Variants in DENND1B observed in about 807,000 individuals in gnomAD.
DENND1B encodes the protein DENN domain-containing protein 1B.
A neutral mutation model predicts 90.1 loss-of-function variants in DENND1B; 59 were observed. The ratio of observed to expected loss-of-function variants is 0.65; its 90% CI spans 0.53 to 0.81. The LOEUF (loss-of-function observed/expected upper bound fraction) is 0.81, where lower values mean the gene tolerates loss of function less well. Ranked by LOEUF, DENND1B falls within the 40% of genes least tolerant of loss-of-function variation. The probability of loss-of-function intolerance (pLI) is 0.00; values close to 1 mark genes in which losing one functional copy is unlikely to be tolerated. For missense variants in DENND1B, 862 were observed against 912.6 expected, an observed-to-expected ratio of 0.94 and a Z score of 0.71; for synonymous variants, 337 against 324.6, an observed-to-expected ratio of 1.04 and a Z score of -0.41.
At chr1:197,549,831 C>T (rs1671083770) in intron 16 of DENND1B, among the ~76,000 whole-genome samples, 1 of 152,070 alleles carries the variant, frequency 6.6e-6, no homozygotes, top group African/African-American at 2.4e-5. Flanking sequence ...CTGATGAGGG[C>T]TCACAGGGCA....
At chr1:197,658,847 A>T (rs535164534) in intron 5 of DENND1B, among the ~76,000 whole-genome samples, 36 of 151,058 alleles carry the variant, frequency 2.4e-4, no homozygotes, top group Non-Finnish European at 4.6e-4. Flanking sequence ...AACTCAATAC[A>T]CATATCAAAA....
chr1:197,727,189 G>A (rs944417887), intron 2 of DENND1B, among the ~76,000 whole-genome samples: 7 of 152,122 alleles, frequency 4.6e-5, no homozygotes, highest in Admixed American at 3.9e-4. Flanking sequence ...CTATTAGTCT[G>A]AACATGCTTA....
At chr1:197,625,177 T>C (rs934300322) in intron 10 of DENND1B, among the ~76,000 whole-genome samples, 16 of 151,694 alleles carry the variant, frequency 1.1e-4, no homozygotes, top group South Asian at 4.2e-4. Flanking sequence ...CACAAAGATA[T>C]GCCTCGAGAA....
At chr1:197,577,421 G>T (rs577768265) in intron 15 of DENND1B, among the ~76,000 whole-genome samples, 1 of 152,128 alleles carries the variant, frequency 6.6e-6, no homozygotes, top group South Asian at 2.1e-4. Context: ...TTCTGCCATG[G>T]GGGGCACTCT....
chr1:197,737,007 C>A (rs1275441231), intron 2 of DENND1B, among the ~76,000 whole-genome samples: 1 of 152,200 alleles, frequency 6.6e-6, no homozygotes, highest in Non-Finnish European at 1.5e-5. Context: ...TTGAAAATCA[C>A]TGAAGACTGA....
chr1:197,527,312 G>GTTTTTTTTTTTT (rs148417732), intron 20 of DENND1B, among the ~76,000 whole-genome samples: 2 of 140,932 alleles, frequency 1.4e-5, no homozygotes, highest in African/African-American at 2.6e-5. Flanking sequence ...GTTTTTTTTT[G>GTTTTTTTTTTTT]TTTTTGTTTT....
chr1:197,562,121 A>G (rs977051300), intron 15 of DENND1B, among the ~76,000 whole-genome samples: 8 of 151,888 alleles, frequency 5.3e-5, no homozygotes, highest in African/African-American at 1.9e-4. Context: ...ACTTTCCCAT[A>G]GTACTTCTGA....
chr1:197,775,292 G>T lies in DENND1B; in HGVS notation c.-137C>A, dbSNP rs898952666. The T allele has an allele frequency of 1.6e-6, 1 of 632,784 alleles. No individual in the cohort carries two copies. Among genetic ancestry groups the T allele is most frequent in the Non-Finnish European group, 2.3e-6 (1 of 443,460 alleles). The allele number at this position is 632,784 out of a possible 1,614,324, so 39.2% of individuals were successfully genotyped here. A position where few individuals can be genotyped will look rare whatever the true frequency, so the allele number is the denominator to read the frequency against. On this transcript the variant is annotated 5_prime_UTR_variant, in exon 1 of 23. Transcript: ENST00000620048. ...GGGAAAGAGGCTGCTCACAGCAGCCGTGGCGGCGGGCCCATGTCGGCTGCG... is the reference window on the plus strand; with the variant it reads ...GGGAAAGAGGCTGCTCACAGCAGCCTTGGCGGCGGGCCCATGTCGGCTGCG...
intron 3 of DENND1B, among the ~76,000 whole-genome samples, chr1:197,684,470 T>C (rs1180353351): frequency 6.6e-6 from 1 of 152,186 alleles, no homozygotes; most frequent in Non-Finnish European, 1.5e-5. Context: ...ATACAATGTA[T>C]ATTATCCATA....
intron 2 of DENND1B, among the ~76,000 whole-genome samples, chr1:197,770,909 T>C (rs1307840160): frequency 6.9e-6 from 1 of 143,964 alleles, no homozygotes; most frequent in Non-Finnish European, 1.5e-5. Flanking sequence ...TATATATCTA[T>C]ATAGATTTTT....
At chr1:197,760,641 C>CA (rs1265014598) in intron 2 of DENND1B, among the ~76,000 whole-genome samples, 8,910 of 71,938 alleles carry the variant, frequency 0.12, 431 homozygotes, top group African/African-American at 0.22. Flanking sequence ...GACCTTGTCT[C>CA]AAAAAAAAAA....
chr1:197,587,911 G>C (rs1674851545), intron 14 of DENND1B, among the ~76,000 whole-genome samples: 1 of 151,950 alleles, frequency 6.6e-6, no homozygotes, highest in Admixed American at 6.6e-5. Flanking sequence ...AGATCATCAG[G>C]CATTAGATTC....
chr1:197,780,724 A>C, the DENND1B span, among the ~76,000 whole-genome samples: 3 of 152,164 alleles, frequency 2.0e-5, no homozygotes, highest in South Asian at 2.1e-4. Flanking sequence ...CTGAATTTTT[A>C]GTTGATTTTC....
intron 11 of DENND1B, among the ~76,000 whole-genome samples, chr1:197,617,373 A>T (rs564221035): frequency 6.6e-6 from 1 of 151,238 alleles, no homozygotes; most frequent in South Asian, 2.1e-4. Context: ...CAGTTTTCCT[A>T]ACACAACTTA....
intron 3 of DENND1B, among the ~76,000 whole-genome samples, chr1:197,682,826 C>G (rs1656832314): frequency 6.6e-6 from 1 of 152,114 alleles, no homozygotes; most frequent in Non-Finnish European, 1.5e-5. Context: ...ATAAGACAAA[C>G]TGGATTGAGA....
At chr1:197,583,595 C>A (rs533988187) in intron 14 of DENND1B, among the ~76,000 whole-genome samples, 4 of 152,228 alleles carry the variant, frequency 2.6e-5, no homozygotes, top group African/African-American at 9.6e-5. Flanking sequence ...TTTATTGCAT[C>A]CTGATTGGAA....
At chr1:197,723,625 T>C (rs1571506126) in intron 2 of DENND1B, among the ~76,000 whole-genome samples, 1 of 152,140 alleles carries the variant, frequency 6.6e-6, no homozygotes, top group Non-Finnish European at 1.5e-5. Context: ...AATAGGTTGC[T>C]TGTAGAAAGA....
At chr1:197,596,640 A>G (rs1397642501) in intron 13 of DENND1B, among the ~76,000 whole-genome samples, 1 of 151,912 alleles carries the variant, frequency 6.6e-6, no homozygotes, top group African/African-American at 2.4e-5. Context: ...ATACACATGC[A>G]CACATATACA....
intron 11 of DENND1B, 80 bp from the exon 12 acceptor site, chr1:197,612,056 T>C: frequency 8.7e-7 from 1 of 1,144,326 alleles, no homozygotes; most frequent in African/African-American, 1.6e-5. Context: ...TCAAAATGAT[T>C]AAAAATTAAA....
Sources: allele counts gnomAD v4.1 joint callset (sites outside exome capture counted in the v4.1 genomes callset), GRCh38; gene constraint gnomAD v4.1.1; transcripts MANE v1.5; gene names NCBI Gene and HGNC (gene_info 2026-07-23, HGNC 2026-07-21).